Variants in INTS8 observed in about 807,000 individuals in gnomAD.
INTS8 encodes the protein protein kaonashi-1.
In INTS8, 47 loss-of-function variants were observed where a neutral mutation model predicts 138.9. That is an observed-to-expected ratio of 0.34 (90% CI 0.27 to 0.43). INTS8 has a LOEUF of 0.43. Ranked by LOEUF, INTS8 falls within the 20% of genes least tolerant of loss-of-function variation. INTS8 has a pLI of 1.00. For synonymous variants in INTS8, 392 were observed against 400.9 expected, an observed-to-expected ratio of 0.98 and a Z score of 0.27; for missense variants, 996 against 1,173.0, an observed-to-expected ratio of 0.85 and a Z score of 2.20.
At chr8:94,829,778 AT>A (rs1256994116) in intron 5 of INTS8, among the ~76,000 whole-genome samples, 1 of 152,214 alleles carries the variant, frequency 6.6e-6, no homozygotes, top group Non-Finnish European at 1.5e-5. Context: ...TTCGTGATAC[AT>A]TAGTAGATAC....
chr8:94,861,286 G>C, intron 16 of INTS8, among the ~76,000 whole-genome samples: 1 of 10,728 alleles, frequency 9.3e-5, no homozygotes, highest in East Asian at 3.9e-3. Context: ...TTTTGAGACG[G>C]AGTCTCGCTC....
Position 94,827,342 on chromosome 8 carries a change from G to T in INTS8, c.385G>T (p.Asp129Tyr). 1 of 1,613,934 alleles carries T rather than the reference G, an allele frequency of 6.2e-7. No individual in the cohort carries two copies. Among genetic ancestry groups the T allele is most frequent in the Non-Finnish European group, 8.5e-7 (1 of 1,179,760 alleles). ...SKVPPGTKHV[D>Y]MDLATLPPTT... is the part of the protein sequence containing the mutation. The stretch of plus-strand genomic sequence containing the variant: ...AGTTCCTCCTGGGACAAAGCATGTA[G>T]ACATGGATCTGGCCACTTTACCTCC... Residue 129 changes from aspartate (D) to tyrosine (Y), a missense_variant, in exon 3 of 27, where the codon GAC (aspartate) becomes TAC (tyrosine). Asp to Tyr is a radical substitution (Grantham distance 160). Transcript: ENST00000523731.
intron 5 of INTS8, among the ~76,000 whole-genome samples, chr8:94,829,911 T>A (rs754496814): frequency 5.3e-5 from 8 of 152,322 alleles, no homozygotes; most frequent in African/African-American, 1.9e-4. Context: ...TTATTTTTTA[T>A]TTTTTTGAGA....
At chr8:94,846,511 C>T (rs552310303) in intron 10 of INTS8, among the ~76,000 whole-genome samples, 8 of 152,068 alleles carry the variant, frequency 5.3e-5, no homozygotes, top group Non-Finnish European at 4.4e-5. Flanking sequence ...TGACCTCAGG[C>T]GATCCACCCG....
In INTS8 at chr8:94,856,758, A is replaced by G. The variant is rs1396627935; in HGVS notation, c.1753-19A>G. ...CGCCAAAGGAAAGGTGACCCAGGCTATTCTTTTTCTTTTCATAGGACTTTT... is the reference window on the plus strand; with the variant it reads ...CGCCAAAGGAAAGGTGACCCAGGCTGTTCTTTTTCTTTTCATAGGACTTTT... On this transcript the variant is annotated intron_variant, in intron 14 of 26. Coordinates refer to ENST00000523731, the MANE Select transcript of INTS8 (RefSeq NM_017864.4). 5 of 1,609,254 alleles carry G rather than the reference A, an allele frequency of 3.1e-6. No individual in the cohort carries two copies. The highest frequency in any genetic ancestry group is 3.4e-6 in the Non-Finnish European group (4 of 1,175,780).
rs752603021 is a variant in INTS8 at position 94,857,531 on chromosome 8, A to G, written c.1954+553A>G. Among the ~76,000 whole-genome samples the G allele has an allele frequency of 2.6e-5, 4 of 152,312 alleles. No homozygotes were observed. In the East Asian group the frequency reaches 5.8e-4, roughly 22 times the overall value. On this transcript the variant is annotated intron_variant, in intron 15 of 26. Transcript: ENST00000523731. ...GGGTGACTTAAAACAACATAAATAT[A>G]TTATCTCCCAGTTCTGGAGGCCGGA...
chr8:94,881,436 T>TAACA lies in INTS8; in HGVS notation c.*1203_*1206dup, dbSNP rs534023132. The stretch of plus-strand genomic sequence containing the variant: ...TTGTAAACAAGTCCTGCTGTTTCTT[T>TAACA]AACAGCTAACATAGGAAATAATTAA... On this transcript the variant is annotated 3_prime_UTR_variant, in exon 27 of 27. Transcript: ENST00000523731. The TAACA allele has an allele frequency of 2.0e-4, 112 of 569,198 alleles. No individual in the cohort carries two copies. The East Asian group carries it at 3.3e-3, about 17-fold the overall frequency. The allele number at this position is 569,198 out of a possible 1,614,324, so 35.3% of individuals were successfully genotyped here.
chr8:94,872,017 T>TA lies in INTS8; in HGVS notation c.2533+16dup, dbSNP rs1444041866. The TA allele has an allele frequency of 8.0e-7, 1 of 1,248,992 alleles. No individual in the cohort carries two copies. Among genetic ancestry groups the TA allele is most frequent in the African/African-American group, 1.5e-5 (1 of 67,226 alleles). 77.4% of individuals were successfully genotyped at this position (1,248,992 alleles called of 1,614,324 possible). ...TATTTACTTTGGTAAGTGAGATGTTTAGTTGCTTTGTGTTTTGTTTTTATA... is the reference window on the plus strand; with the variant it reads ...TATTTACTTTGGTAAGTGAGATGTTTAAGTTGCTTTGTGTTTTGTTTTTATA... On this transcript the variant is annotated intron_variant, in intron 21 of 26. Coordinates refer to ENST00000523731, the MANE Select transcript of INTS8 (RefSeq NM_017864.4).
chr8:94,823,911 C>T (rs568750023), intron 1 of INTS8, among the ~76,000 whole-genome samples: 31 of 152,314 alleles, frequency 2.0e-4, no homozygotes, highest in African/African-American at 7.2e-4. Flanking sequence ...CTCCTTCAAC[C>T]CCAAGCTGAA....
chr8:94,844,703 C>G (rs1815265438), intron 10 of INTS8, among the ~76,000 whole-genome samples: 1 of 150,830 alleles, frequency 6.6e-6, no homozygotes, highest in Admixed American at 6.6e-5. Flanking sequence ...TCTTTTTTAC[C>G]AATTTTAAAT....
rs965791781 is a variant in INTS8, at chr8:94,838,604, T to C, written c.1003T>C (p.Ser335Pro). 2 of 1,613,082 alleles carry C rather than the reference T, an allele frequency of 1.2e-6. No homozygotes were observed. The highest frequency in any genetic ancestry group is 1.7e-6 in the Non-Finnish European group (2 of 1,179,160). ...PYSQVHICLR[S>P]GNYQEVIQIF... ...TAGTCAAGTCCATATTTGTTTGAGA[T>C]CTGGCAACTATCAGGTAAGGTGTAT... The change falls in exon 8 of 27, where the codon TCT becomes CCT. Residue 335 changes from serine (S) to proline (P), a missense_variant. Transcript: ENST00000523731.
intron 23 of INTS8, among the ~76,000 whole-genome samples, chr8:94,875,466 G>A (rs544513107): frequency 6.6e-6 from 1 of 152,234 alleles, no homozygotes; most frequent in South Asian, 2.1e-4. Flanking sequence ...AGAGGCTTGA[G>A]GTGAGAGGGA....
At chr8:94,857,751 A>G (rs1481673139) in intron 15 of INTS8, among the ~76,000 whole-genome samples, 5 of 152,214 alleles carry the variant, frequency 3.3e-5, no homozygotes, top group Admixed American at 3.3e-4. Flanking sequence ...GACACCAGTC[A>G]TTGGATCTAA....
At chr8:94,857,104 G>A in intron 15 of INTS8, 126 bp downstream of exon 15, 1 of 699,076 alleles carries the variant, frequency 1.4e-6, no homozygotes, top group South Asian at 2.0e-5. Context: ...ATGGAGTGTA[G>A]CTCTGTCACC....
At chr8:94,848,012 G>GATTTTTTTTTTTTTT (rs1169477857) in intron 10 of INTS8, among the ~76,000 whole-genome samples, 1 of 120,064 alleles carries the variant, frequency 8.3e-6, no homozygotes, top group African/African-American at 3.2e-5. Flanking sequence ...TTAAAACACT[G>GATTTTTTTTTTTTTT]CTTTTTTTTT....
chr8:94,872,723 T>C (rs1470013657), intron 21 of INTS8, among the ~76,000 whole-genome samples: 1 of 152,254 alleles, frequency 6.6e-6, no homozygotes, highest in African/African-American at 2.4e-5. Flanking sequence ...TACGAAACTT[T>C]CAATGCTTCT....
At chr8:94,850,688 TA>T (rs1268355302) in intron 12 of INTS8, among the ~76,000 whole-genome samples, 1 of 149,414 alleles carries the variant, frequency 6.7e-6, no homozygotes, top group Non-Finnish European at 1.5e-5. Context: ...TTCATGGAGG[TA>T]AAAACAGAAA....
chr8:94,836,574 A>C lies in INTS8; in HGVS notation c.804A>C (p.Ser268=). The C allele has an allele frequency of 6.2e-7, 1 of 1,614,100 alleles. No homozygotes were observed. Among genetic ancestry groups the C allele is most frequent in the Non-Finnish European group, 8.5e-7 (1 of 1,179,980 alleles). ...ACTTCCAGCAAGGCTCCACAAATTCAGCTGTCTATGAAAATGCCAGGGAAA... is the reference window on the plus strand; with the variant it reads ...ACTTCCAGCAAGGCTCCACAAATTCCGCTGTCTATGAAAATGCCAGGGAAA... ...AAYFQQGSTN[S]AVYENAREKF... The change falls in exon 7 of 27, where the codon TCA becomes TCC. Residue 268 remains serine, a synonymous_variant. Coordinates refer to ENST00000523731, the MANE Select transcript of INTS8 (RefSeq NM_017864.4).
At chr8:94,826,780 A>G (rs1814521815) in intron 2 of INTS8, among the ~76,000 whole-genome samples, 1 of 152,160 alleles carries the variant, frequency 6.6e-6, no homozygotes, top group Non-Finnish European at 1.5e-5. Context: ...TTTATGTTTT[A>G]CGTTTTTTCA....
Sources: gnomAD v4.1 joint callset for allele counts (sites outside exome capture counted in the v4.1 genomes callset) on GRCh38, gnomAD v4.1.1 for gene constraint, MANE v1.5 for transcripts, NCBI Gene and HGNC (gene_info 2026-07-23, HGNC 2026-07-21) for gene names.